MACROD2: variants seen among roughly 807,000 people sequenced by gnomAD.
The protein encoded by MACROD2 is mono-ADP ribosylhydrolase 2, also known as ADP-ribose glycohydrolase MACROD2.
Under a neutral mutation model 70.4 loss-of-function variants are expected in MACROD2, and 36 were observed. That is an observed-to-expected ratio of 0.51 (90% CI 0.39 to 0.68). The LOEUF is 0.68. Ranked by LOEUF, MACROD2 falls within the 30% of genes least tolerant of loss-of-function variation. The pLI is 0.00. For synonymous variants in MACROD2, 172 were observed against 178.8 expected (o/e 0.96, Z 0.30); for missense variants, 496 against 538.4 (o/e 0.92, Z 0.78).
chr20:14,912,066 T>A (rs966548771), intron 5 of MACROD2, among the ~76,000 whole-genome samples: 5 of 152,144 alleles, frequency 3.3e-5, no homozygotes, highest in Non-Finnish European at 7.3e-5. Flanking sequence ...ACCTACAGCG[T>A]GCTACAGGAA....
chr20:15,635,064 T>A (rs1336063649), intron 8 of MACROD2, among the ~76,000 whole-genome samples: 2 of 152,186 alleles, frequency 1.3e-5, no homozygotes, highest in Admixed American at 1.3e-4. Flanking sequence ...CCTGTACTAA[T>A]TTGTTCAGAG....
intron 8 of MACROD2, among the ~76,000 whole-genome samples, chr20:15,689,059 T>G (rs2050264760): frequency 1.3e-5 from 2 of 152,214 alleles, no homozygotes; most frequent in African/African-American, 4.8e-5. Context: ...ATCCCAGCAC[T>G]TTCGGAGGCC....
chr20:14,051,006 A>G (rs1427962342), intron 2 of MACROD2, among the ~76,000 whole-genome samples: 2 of 152,222 alleles, frequency 1.3e-5, no homozygotes, highest in Non-Finnish European at 2.9e-5. Flanking sequence ...ATAAATATTT[A>G]AAAAGATGAG....
chr20:15,247,524 C>T (rs182122835), intron 6 of MACROD2, among the ~76,000 whole-genome samples: 49 of 152,228 alleles, frequency 3.2e-4, no homozygotes, highest in East Asian at 1.4e-3. Flanking sequence ...GGAGATAAAT[C>T]GAACTTTCTG....
chr20:15,485,197 G>A (rs1251724584), intron 7 of MACROD2, among the ~76,000 whole-genome samples: 1 of 151,702 alleles, frequency 6.6e-6, no homozygotes, highest in Non-Finnish European at 1.5e-5. Context: ...TTGAGCCTAG[G>A]GACAAAAATG....
intron 5 of MACROD2, among the ~76,000 whole-genome samples, chr20:15,127,485 T>C (rs1386578778): frequency 6.6e-6 from 1 of 152,102 alleles, no homozygotes; most frequent in African/African-American, 2.4e-5. Flanking sequence ...TGAGAGATTC[T>C]GGCTCAGAAC....
chr20:14,592,068 A>G (rs1415320405), intron 4 of MACROD2, among the ~76,000 whole-genome samples: 1 of 152,174 alleles, frequency 6.6e-6, no homozygotes, highest in Non-Finnish European at 1.5e-5. Flanking sequence ...AGGAATGCAG[A>G]GGGCATGACT....
At chr20:15,584,653 G>A (rs191341992) in intron 8 of MACROD2, among the ~76,000 whole-genome samples, 217 of 152,312 alleles carry the variant, frequency 1.4e-3, no homozygotes, top group African/African-American at 4.9e-3. Flanking sequence ...AGACACACAC[G>A]TTTCTTCATG....
At chr20:14,824,890 T>C (rs574427923) in intron 5 of MACROD2, among the ~76,000 whole-genome samples, 178 of 152,238 alleles carry the variant, frequency 1.2e-3, no homozygotes, top group African/African-American at 4.1e-3. Flanking sequence ...GTCACTGTCC[T>C]TAAACACAGA....
At position 14,588,470 on chromosome 20, in the gene MACROD2, A is replaced by G. The variant is rs182906250; in HGVS notation, c.301+94962A>G. Among the ~76,000 whole-genome samples, 407 of 152,100 alleles carry G rather than the reference A, an allele frequency of 2.7e-3. 1 individual carries two copies. The highest frequency in any genetic ancestry group is 3.6e-3 in the Non-Finnish European group (248 of 67,956). ...ATAATTAGCTACTCTTTGTCTTGCT[A>G]TTTAGTTCTTTTCTGGCTTTGTAGT... is the stretch of plus-strand genomic sequence containing the variant. On this transcript the variant is annotated intron_variant, in intron 4 of 17. Transcript: ENST00000684519.
chr20:14,971,851 A>C (rs1568905410), intron 5 of MACROD2, among the ~76,000 whole-genome samples: 2 of 152,152 alleles, frequency 1.3e-5, no homozygotes, highest in South Asian at 2.1e-4. Flanking sequence ...AGTTGATGGC[A>C]AAGAGAAGGG....
chr20:15,662,140 A>G (rs189567715), intron 8 of MACROD2, among the ~76,000 whole-genome samples: 15 of 152,308 alleles, frequency 9.8e-5, no homozygotes, highest in Non-Finnish European at 1.8e-4. Flanking sequence ...GGTTTACCCC[A>G]TTTCAGAGCC....
At chr20:14,643,723 T>C (rs369777980) in intron 4 of MACROD2, among the ~76,000 whole-genome samples, 3 of 152,198 alleles carry the variant, frequency 2.0e-5, no homozygotes, top group African/African-American at 7.2e-5. Context: ...AGCTTGTTAC[T>C]TGGCATATGT....
chr20:15,383,159 C>T (rs1034442924), intron 6 of MACROD2, among the ~76,000 whole-genome samples: 2 of 152,178 alleles, frequency 1.3e-5, no homozygotes, highest in Non-Finnish European at 2.9e-5. Flanking sequence ...GAAATTTGAA[C>T]ACCAGGTGTA....
intron 2 of MACROD2, among the ~76,000 whole-genome samples, chr20:14,037,483 G>A (rs1042808190): frequency 7.2e-5 from 11 of 152,146 alleles, no homozygotes; most frequent in Admixed American, 5.9e-4. Context: ...TTTTGTATTG[G>A]TGGACGTGAA....
At chr20:15,309,940 T>G in intron 6 of MACROD2, among the ~76,000 whole-genome samples, 1 of 152,216 alleles carries the variant, frequency 6.6e-6, no homozygotes, top group East Asian at 1.9e-4. Flanking sequence ...CAATGTGGCT[T>G]AAGCTAATGC....
intron 4 of MACROD2, among the ~76,000 whole-genome samples, chr20:14,547,917 A>G (rs1184995796): frequency 6.6e-6 from 1 of 152,134 alleles, no homozygotes; most frequent in African/African-American, 2.4e-5. Context: ...TGGCATCACC[A>G]TGCTGGGCTC....
chr20:15,120,040 AGG>A (rs1049814448), intron 5 of MACROD2, among the ~76,000 whole-genome samples: 2 of 152,222 alleles, frequency 1.3e-5, no homozygotes, highest in Non-Finnish European at 2.9e-5. Flanking sequence ...TATCACCCCT[AGG>A]ATCAGTAAAC....
intron 1 of MACROD2, among the ~76,000 whole-genome samples, chr20:14,001,704 T>G (rs2148609151): frequency 6.6e-6 from 1 of 152,246 alleles, no homozygotes; most frequent in South Asian, 2.1e-4. Flanking sequence ...GAGCTTTTAC[T>G]TACAGGGCAA....
Sources: gnomAD v4.1 joint callset for allele counts (sites outside exome capture counted in the v4.1 genomes callset) on GRCh38, gnomAD v4.1.1 for gene constraint, MANE v1.5 for transcripts, NCBI Gene and HGNC (gene_info 2026-07-23, HGNC 2026-07-21) for gene names.